Variants in MALT1 observed in about 807,000 individuals in gnomAD.
The protein encoded by MALT1 is mucosa-associated lymphoid tissue lymphoma translocation protein 1.
A neutral mutation model predicts 85.5 loss-of-function variants in MALT1; 36 were observed. The ratio of observed to expected loss-of-function variants is 0.42; its 90% CI spans 0.32 to 0.56. MALT1 has a LOEUF of 0.56. Among genes scored for constraint, MALT1 ranks in the 20% least tolerant of loss-of-function variants. MALT1 has a pLI of 0.10. For synonymous variants in MALT1, 359 were observed against 361.3 expected (o/e 0.99, Z 0.07); for missense variants, 716 against 981.6 (o/e 0.73, Z 3.62).
intron 7 of MALT1, among the ~76,000 whole-genome samples, chr18:58,711,304 A>G (rs1375806926): frequency 6.6e-6 from 1 of 152,226 alleles, no homozygotes; most frequent in Non-Finnish European, 1.5e-5. Context: ...CTACGTGATC[A>G]TGGATATTTG....
At chr18:58,671,889 CG>C (rs946328697) in intron 1 of MALT1, 37 bp downstream of exon 1, 8 of 1,199,342 alleles carry the variant, frequency 6.7e-6, no homozygotes, top group Non-Finnish European at 8.3e-6. Context: ...GCGCGCGGGT[CG>C]AGCGGGGTGG....
At chr18:58,686,321 A>G (rs575218844) in intron 2 of MALT1, among the ~76,000 whole-genome samples, 20 of 152,280 alleles carry the variant, frequency 1.3e-4, no homozygotes, top group Non-Finnish European at 2.5e-4. Context: ...GCCACCACAC[A>G]CAGCCTATTT....
chr18:58,706,265 T>C (rs1197747658), intron 4 of MALT1, among the ~76,000 whole-genome samples: 1 of 152,188 alleles, frequency 6.6e-6, no homozygotes, highest in Non-Finnish European at 1.5e-5. Flanking sequence ...CAACTGATTC[T>C]CCTGCCTCAG....
intron 4 of MALT1, among the ~76,000 whole-genome samples, chr18:58,700,810 A>G (rs538864555): frequency 9.9e-5 from 15 of 151,714 alleles, no homozygotes; most frequent in African/African-American, 3.6e-4. Context: ...GTTTTTTAAG[A>G]CAAAGTCTTT....
intron 2 of MALT1, among the ~76,000 whole-genome samples, chr18:58,685,370 A>C (rs2054386584): frequency 6.6e-6 from 1 of 152,224 alleles, no homozygotes; most frequent in Non-Finnish European, 1.5e-5. Context: ...ACGTTGCCAT[A>C]TTCTGTTCCA....
At position 58,671,860 on chromosome 18, in the gene MALT1, C is replaced by G; in HGVS notation, c.209+8C>G. ...CGGGCGCCTCCGCCTCAGGTGAGCT[C>G]AGGGCCGCGGCAGGCCGGGCGCGCG... On this transcript the variant is annotated splice_region_variant and intron_variant, in intron 1 of 16. Transcript: ENST00000649217. 2 of 1,219,708 alleles carry G rather than the reference C, an allele frequency of 1.6e-6. No homozygotes were observed. The highest frequency in any genetic ancestry group is 2.0e-6 in the Non-Finnish European group (2 of 980,448). 75.6% of individuals were successfully genotyped at this position (1,219,708 alleles called of 1,614,324 possible).
intron 2 of MALT1, among the ~76,000 whole-genome samples, chr18:58,689,327 C>T (rs1209758810): frequency 1.3e-5 from 2 of 150,826 alleles, no homozygotes; most frequent in Non-Finnish European, 2.9e-5. Context: ...CTGCAAATTA[C>T]GTACCTTTTT....
At chr18:58,698,130 G>A (rs1392053883) in intron 3 of MALT1, among the ~76,000 whole-genome samples, 1 of 147,882 alleles carries the variant, frequency 6.8e-6, no homozygotes, top group Non-Finnish European at 1.5e-5. Flanking sequence ...GCAGTGGCGC[G>A]ATCTTGGCTC....
At chr18:58,680,021 TA>T (rs149748019) in intron 1 of MALT1, among the ~76,000 whole-genome samples, 10 of 151,340 alleles carry the variant, frequency 6.6e-5, no homozygotes, top group African/African-American at 1.5e-4. Context: ...GCATCTCTAT[TA>T]AAAAAAAATT....
chr18:58,727,616 G>GTTTTTTTTTTTTTTTTTT (rs751434443), intron 10 of MALT1, among the ~76,000 whole-genome samples: 40 of 121,246 alleles, frequency 3.3e-4, no homozygotes, highest in African/African-American at 9.5e-4. Context: ...GGTTTTTTGT[G>GTTTTTTTTTTTTTTTTTT]TTTTTTTTTT....
intron 7 of MALT1, among the ~76,000 whole-genome samples, chr18:58,711,811 T>C (rs1193624284): frequency 6.6e-6 from 1 of 152,226 alleles, no homozygotes; most frequent in African/African-American, 2.4e-5. Flanking sequence ...TCTGAAATAC[T>C]ATAATTACTG....
At chr18:58,742,138 T>A in intron 14 of MALT1, 124 bp downstream of exon 14, 1 of 575,102 alleles carries the variant, frequency 1.7e-6, no homozygotes, top group East Asian at 3.2e-5. Context: ...ACTAGGCAAA[T>A]CTCAAACCAA....
chr18:58,685,198 G>T (rs890233277), intron 2 of MALT1, among the ~76,000 whole-genome samples: 2 of 152,104 alleles, frequency 1.3e-5, no homozygotes, highest in Admixed American at 1.3e-4. Context: ...TATTTCATAG[G>T]AGGACATTAC....
chr18:58,680,929 C>CAAAAAA (rs1165265799), intron 1 of MALT1, among the ~76,000 whole-genome samples: 1 of 67,228 alleles, frequency 1.5e-5, no homozygotes, highest in Non-Finnish European at 2.5e-5. Flanking sequence ...GACTCCGTCT[C>CAAAAAA]AAAAAAAAAA....
Position 58,714,109 on chromosome 18 carries a change from G to T in MALT1, c.985G>T (p.Asp329Tyr). The stretch of plus-strand genomic sequence containing the variant: ...TGAATTAAATAATCTTGGTCATCCT[G>T]GTGAGTAATACAAACATAAAACTTT... ...EDELNNLGHP[D>Y]NKEQTTDQPL... Residue 329 changes from aspartate to tyrosine, a missense_variant and splice_region_variant, in exon 8 of 17, where the codon GAT (aspartate) becomes TAT (tyrosine). Around this residue, in one of 4 missense-constraint regions of MALT1, gnomAD observed 290 missense variants for 380.5 expected, o/e 0.76. Transcript: ENST00000649217. 1 of 1,264,194 alleles carries T rather than the reference G, an allele frequency of 7.9e-7. No individual in the cohort carries two copies. Among genetic ancestry groups the T allele is most frequent in the South Asian group, 1.2e-5 (1 of 80,662 alleles). 78.3% of individuals were successfully genotyped at this position (1,264,194 alleles called of 1,614,324 possible).
intron 1 of MALT1, among the ~76,000 whole-genome samples, chr18:58,676,763 G>A (rs1338644816): frequency 6.6e-6 from 1 of 152,162 alleles, no homozygotes; most frequent in Non-Finnish European, 1.5e-5. Flanking sequence ...GATCCAGGAA[G>A]ATACAGAATT....
At position 58,747,693 on chromosome 18, in the gene MALT1, A is replaced by C. The variant is rs574477576; in HGVS notation, c.2326A>C (p.Ser776Arg). 4 of 1,614,218 alleles carry C rather than the reference A, an allele frequency of 2.5e-6. No individual in the cohort carries two copies. The highest frequency in any genetic ancestry group is 3.3e-4 in the Middle Eastern group (2 of 6,062). ...TCCAAGTAATGTTACACCAGCAGAT[A>C]GCTGTCATTGCAGCCGGACTCCAGA... ...GNPSNVTPAD[S>R]CHCSRTPDAF... Residue 776 changes from serine (S) to arginine (R), a missense_variant, in exon 17 of 17, where the codon AGC becomes CGC. By Grantham distance (110) the Ser-to-Arg change is moderately radical. Coordinates refer to ENST00000649217, the MANE Select transcript of MALT1 (RefSeq NM_006785.4).
At chr18:58,715,606 ATC>A (rs1568141957) in intron 8 of MALT1, among the ~76,000 whole-genome samples, 1 of 152,142 alleles carries the variant, frequency 6.6e-6, no homozygotes, top group Non-Finnish European at 1.5e-5. Context: ...AGTGACTTTA[ATC>A]TCTCTCTGCC....
intron 9 of MALT1, among the ~76,000 whole-genome samples, chr18:58,717,096 T>C (rs1444831553): frequency 2.0e-5 from 3 of 152,170 alleles, no homozygotes; most frequent in Non-Finnish European, 2.9e-5. Context: ...GCATGGTGGC[T>C]CACACCTGTA....
Sources: gnomAD v4.1 joint callset for allele counts (sites outside exome capture counted in the v4.1 genomes callset) on GRCh38, gnomAD v4.1.1 for gene constraint, gnomAD v4.1.1 regional missense constraint, MANE v1.5 for transcripts, NCBI Gene and HGNC (gene_info 2026-07-23, HGNC 2026-07-21) for gene names.